The following CADPS2 variants were observed in gnomAD, a reference collection of about 807,000 sequenced individuals.
The protein encoded by CADPS2 is calcium dependent secretion activator 2.
CADPS2 carries 93 observed loss-of-function variants against 172.5 expected under a neutral mutation model. The ratio of observed to expected loss-of-function variants is 0.54; its 90% CI spans 0.46 to 0.64. The LOEUF (loss-of-function observed/expected upper bound fraction) is 0.64, where lower values mean the gene tolerates loss of function less well. Ranked by LOEUF, CADPS2 falls within the 30% of genes least tolerant of loss-of-function variation. The probability of loss-of-function intolerance (pLI) is 0.00; values close to 1 mark genes in which losing one functional copy is unlikely to be tolerated. For missense variants in CADPS2, 1,420 were observed against 1,565.9 expected (o/e 0.91, Z 1.57); for synonymous variants, 546 against 555.2 (o/e 0.98, Z 0.23).
rs772232660 is a variant in CADPS2 at position 122,621,607 on chromosome 7, C to T, written c.978G>A (p.Ser326=). 4.8e-5 allele frequency: 78 copies of T among 1,613,620 alleles called. No individual in the cohort carries two copies. Among genetic ancestry groups the T allele is most frequent in the Non-Finnish European group, 6.5e-5 (77 of 1,179,750 alleles). ...LMANLESLPV[S]KGGPEFKLQK... ...GTAATTTAAATTCCGGACCACCTTTCGAAACTGGAAGACTTTCCAAATTGG... is the reference window on the plus strand; with the variant it reads ...GTAATTTAAATTCCGGACCACCTTTTGAAACTGGAAGACTTTCCAAATTGG... The change falls in exon 5 of 30, where the codon TCG becomes TCA. Residue 326 remains serine (S), a synonymous_variant. Transcript: ENST00000449022.
chr7:122,615,465 A>G (rs536311657), intron 5 of CADPS2, among the ~76,000 whole-genome samples, 166 bp from the exon 6 acceptor site: 19 of 152,306 alleles, frequency 1.2e-4, no homozygotes, highest in Admixed American at 8.5e-4. Context: ...ACCTCTATTC[A>G]TAGAAGGTAT....
intron 7 of CADPS2, among the ~76,000 whole-genome samples, chr7:122,564,988 C>A (rs925700735): frequency 6.6e-6 from 1 of 151,872 alleles, no homozygotes; most frequent in African/African-American, 2.4e-5. Context: ...AAGTCAAATA[C>A]AGCATGTTCT....
chr7:122,598,839 C>T (rs1031299211), intron 6 of CADPS2, among the ~76,000 whole-genome samples: 1 of 152,048 alleles, frequency 6.6e-6, no homozygotes, highest in Non-Finnish European at 1.5e-5. Flanking sequence ...TTGAATAAGA[C>T]CTGCCTTCTG....
At chr7:122,593,349 A>G (rs2071204303) in intron 6 of CADPS2, among the ~76,000 whole-genome samples, 1 of 152,062 alleles carries the variant, frequency 6.6e-6, no homozygotes, top group Non-Finnish European at 1.5e-5. Context: ...AAAAAGAGCC[A>G]TTACCTGAGC....
rs1465866746 is a variant in CADPS2 at position 122,504,234 on chromosome 7, A to C, written c.1542+9015T>G. On this transcript the variant is annotated intron_variant, in intron 9 of 29. Coordinates refer to ENST00000449022, the MANE Select transcript of CADPS2 (RefSeq NM_017954.11). ...CCTTACAGGATTTTGAGAGAATTGG[A>C]GAGAACTGATGTGGGAGTACCTAGC... is the stretch of plus-strand genomic sequence containing the variant. 2.6e-5 allele frequency among the ~76,000 whole-genome samples: 4 copies of C among 152,302 alleles called. No homozygotes were observed. In the East Asian group the frequency reaches 7.7e-4, roughly 29 times the overall value.
At chr7:122,525,820 C>T (rs987515234) in intron 8 of CADPS2, among the ~76,000 whole-genome samples, 3 of 152,130 alleles carry the variant, frequency 2.0e-5, no homozygotes, top group Non-Finnish European at 2.9e-5. Flanking sequence ...CTACATGGTA[C>T]AGCCCATTTC....
rs955118678 is a variant in CADPS2, at chr7:122,335,911, G to C, written c.3612+9663C>G. Among the ~76,000 whole-genome samples the C allele has an allele frequency of 4.6e-5, 7 of 152,120 alleles. No individual in the cohort carries two copies. The South Asian group carries it at 1.0e-3, about 22-fold the overall frequency. ...CTACCTGCCTTTTGTTCTCCAATGA[G>C]AGAAAAAAGAGAAATGGGTTTAAAA... On this transcript the variant is annotated intron_variant, in intron 28 of 29. Coordinates refer to ENST00000449022, the MANE Select transcript of CADPS2 (RefSeq NM_017954.11).
At chr7:122,620,689 T>A (rs974352452) in intron 5 of CADPS2, among the ~76,000 whole-genome samples, 1 of 152,190 alleles carries the variant, frequency 6.6e-6, no homozygotes, top group Middle Eastern at 3.2e-3. Flanking sequence ...TGAAAAAGAA[T>A]TATCTATTTC....
chr7:122,443,265 T>A (rs1001591314), intron 15 of CADPS2, among the ~76,000 whole-genome samples: 2 of 152,194 alleles, frequency 1.3e-5, no homozygotes, highest in Admixed American at 1.3e-4. Context: ...GGAGTACAAG[T>A]AATCCTGAAT....
chr7:122,352,571 C>T (rs538413650), intron 27 of CADPS2, among the ~76,000 whole-genome samples: 1 of 152,312 alleles, frequency 6.6e-6, no homozygotes, highest in East Asian at 1.9e-4. Flanking sequence ...ACACAACCTC[C>T]TCCACTCCTA....
At chr7:122,709,639 A>C (rs2136642954) in intron 2 of CADPS2, among the ~76,000 whole-genome samples, 1 of 152,174 alleles carries the variant, frequency 6.6e-6, no homozygotes, top group Non-Finnish European at 1.5e-5. Context: ...TCACAATAGC[A>C]AAGACTTGGA....
chr7:122,721,705 C>G (rs945485375), intron 2 of CADPS2, among the ~76,000 whole-genome samples: 6 of 152,082 alleles, frequency 3.9e-5, no homozygotes, highest in African/African-American at 1.4e-4. Context: ...CAACATTGTC[C>G]TGATACCAAA....
intron 2 of CADPS2, among the ~76,000 whole-genome samples, chr7:122,717,701 A>T (rs1253047616): frequency 6.6e-6 from 1 of 152,174 alleles, no homozygotes; most frequent in Non-Finnish European, 1.5e-5. Context: ...AAATTTATAA[A>T]TGCACCTTGG....
chr7:122,645,296 T>TAC lies in CADPS2; in HGVS notation c.787-15970_787-15969dup, dbSNP rs1336813702. Among the ~76,000 whole-genome samples the TAC allele has an allele frequency of 4.5e-4, 61 of 136,810 alleles. 4 individuals are homozygous for TAC. The highest frequency in any genetic ancestry group is 5.9e-4 in the Non-Finnish European group (37 of 62,376). 89.8% of individuals were successfully genotyped at this position (136,810 alleles called of 152,430 possible). A position where few individuals can be genotyped will look rare whatever the true frequency, so the allele number is the denominator to read the frequency against. ...ATATATACACACATATGTACATATA[T>TAC]ACACATATGTACATGTGTGTATACA... On this transcript the variant is annotated intron_variant, in intron 3 of 29. Coordinates refer to ENST00000449022, the MANE Select transcript of CADPS2 (RefSeq NM_017954.11).
At chr7:122,574,445 T>TTAAAA (rs1458311901) in intron 7 of CADPS2, among the ~76,000 whole-genome samples, 8 of 37,976 alleles carry the variant, frequency 2.1e-4, no homozygotes, top group African/African-American at 4.4e-4. Context: ...GACCCTGTCT[T>TTAAAA]AAAAAAAAAA....
intron 1 of CADPS2, among the ~76,000 whole-genome samples, chr7:122,756,617 G>T (rs1026816541): frequency 1.3e-5 from 2 of 152,138 alleles, no homozygotes; most frequent in African/African-American, 4.8e-5. Context: ...CTTTCCCAAG[G>T]GTTGGGCGCG....
intron 3 of CADPS2, among the ~76,000 whole-genome samples, chr7:122,659,044 T>C (rs1485518896): frequency 2.0e-5 from 3 of 152,034 alleles, no homozygotes; most frequent in Admixed American, 1.3e-4. Flanking sequence ...TCAGTTCTCA[T>C]TACCTAATAT....
chr7:122,504,523 C>A (rs924696311), intron 9 of CADPS2, among the ~76,000 whole-genome samples: 2 of 152,128 alleles, frequency 1.3e-5, no homozygotes, highest in Admixed American at 1.3e-4. Flanking sequence ...CTCCTGGCCT[C>A]ACTTGGCTTT....
At chr7:122,323,307 A>T (rs1254625403) in intron 29 of CADPS2, among the ~76,000 whole-genome samples, 1 of 152,168 alleles carries the variant, frequency 6.6e-6, no homozygotes, top group Non-Finnish European at 1.5e-5. Flanking sequence ...GAAAATCAAC[A>T]TATTCATGAA....
Sources: allele counts gnomAD v4.1 joint callset (sites outside exome capture counted in the v4.1 genomes callset), GRCh38; gene constraint gnomAD v4.1.1; transcripts MANE v1.5; gene names NCBI Gene and HGNC (gene_info 2026-07-23, HGNC 2026-07-21).